Variants in ZNF292 observed in about 807,000 individuals in gnomAD.
The protein encoded by ZNF292 is 16 zinc-finger domain protein.
In ZNF292, 26 loss-of-function variants were observed where a neutral mutation model predicts 217.9. That is an observed-to-expected ratio of 0.12 (90% CI 0.09 to 0.17). The LOEUF is 0.17. ZNF292 is among the 10% of genes least tolerant of loss of function. The pLI is 1.00. For missense variants in ZNF292, 2,904 were observed against 3,175.2 expected, an observed-to-expected ratio of 0.91 and a Z score of 2.05; for synonymous variants, 1,257 against 1,124.1, an observed-to-expected ratio of 1.12 and a Z score of -2.37.
rs112277123 is a variant in ZNF292 at position 87,212,308 on chromosome 6, T to G, written c.169-3595T>G. Among the ~76,000 whole-genome samples the G allele has an allele frequency of 5.1e-3, 783 of 152,276 alleles. 7 individuals carry two copies. The highest frequency in any genetic ancestry group is 0.016 in the African/African-American group (681 of 41,540). ...CAGAAGCTCTTAGACTACTGTTGTT[T>G]AGGAGGTCTTGTGGAGTACATAGCC... On this transcript the variant is annotated intron_variant, in intron 1 of 7. Transcript: ENST00000369577.
At chr6:87,186,487 T>G (rs182726159) in intron 1 of ZNF292, among the ~76,000 whole-genome samples, 4 of 152,354 alleles carry the variant, frequency 2.6e-5, no homozygotes, top group African/African-American at 9.6e-5. Flanking sequence ...TCCTTCAATA[T>G]AGGAGAGCTC....
intron 1 of ZNF292, among the ~76,000 whole-genome samples, chr6:87,166,564 G>A (rs1427060527): frequency 6.6e-6 from 1 of 152,280 alleles, no homozygotes; most frequent in East Asian, 1.9e-4. Flanking sequence ...GTACCTTAAA[G>A]CCCAGCATGA....
intron 1 of ZNF292, among the ~76,000 whole-genome samples, chr6:87,161,875 CT>C (rs1770765863): frequency 6.6e-6 from 1 of 152,194 alleles, no homozygotes; most frequent in African/African-American, 2.4e-5. Flanking sequence ...GACAAATCCC[CT>C]AATGGTTTCC....
chr6:87,199,240 G>A (rs2127788024), intron 1 of ZNF292, among the ~76,000 whole-genome samples: 1 of 152,230 alleles, frequency 6.6e-6, no homozygotes, highest in Admixed American at 6.5e-5. Flanking sequence ...TTTCCCTAAT[G>A]GCTAATAATA....
chr6:87,231,822 G>A (rs997737708), intron 4 of ZNF292, among the ~76,000 whole-genome samples: 1 of 152,094 alleles, frequency 6.6e-6, no homozygotes, highest in African/African-American at 2.4e-5. Flanking sequence ...ATAATTCCCA[G>A]ACTTTGTATC....
intron 7 of ZNF292, among the ~76,000 whole-genome samples, chr6:87,254,068 A>G (rs778791735): frequency 9.2e-5 from 14 of 152,210 alleles, no homozygotes; most frequent in Non-Finnish European, 1.9e-4. Flanking sequence ...TGATAGCACT[A>G]GAATCTCCAC....
chr6:87,191,905 A>AC (rs998021061), intron 1 of ZNF292, among the ~76,000 whole-genome samples: 8 of 151,504 alleles, frequency 5.3e-5, no homozygotes, highest in African/African-American at 1.9e-4. Context: ...CAGATGATCC[A>AC]CCCCCCTTGG....
chr6:87,155,851 T>C, intron 1 of ZNF292, 92 bp downstream of exon 1: 2 of 1,410,798 alleles, frequency 1.4e-6, no homozygotes. Flanking sequence ...GGTCGCCGCT[T>C]CCTTGGCATC....
At position 87,259,654 on chromosome 6, in the gene ZNF292, C is replaced by T; in HGVS notation, c.6025C>T (p.Leu2009=). 1 of 1,587,062 alleles carries T rather than the reference C, an allele frequency of 6.3e-7. No homozygotes were observed. Among genetic ancestry groups the T allele is most frequent in the Non-Finnish European group, 8.6e-7 (1 of 1,166,212 alleles). The change falls in exon 8 of 8, where the codon CTA becomes TTA. Residue 2009 remains leucine (L), a synonymous_variant. Coordinates refer to ENST00000369577, the MANE Select transcript of ZNF292 (RefSeq NM_015021.3). ...ACGAAGTACACAAGTGAAAAAACAG[C>T]TAGCTATGACAGAGGAAAATAAAAA... ...ASRSTQVKKQ[L]AMTEENKKES...
intron 1 of ZNF292, among the ~76,000 whole-genome samples, chr6:87,198,215 T>G (rs1293781093): frequency 4.2e-5 from 5 of 118,700 alleles, no homozygotes; most frequent in African/African-American, 3.4e-5. Context: ...TTTATTTATT[T>G]ATTTTTTGAG....
intron 4 of ZNF292, among the ~76,000 whole-genome samples, chr6:87,228,586 G>A (rs1773487169): frequency 2.0e-5 from 3 of 152,100 alleles, no homozygotes; most frequent in East Asian, 1.9e-4. Context: ...TCTTTAATCC[G>A]TTTTGAGTTA....
chr6:87,226,010 C>G (rs2127814701), intron 4 of ZNF292, among the ~76,000 whole-genome samples: 1 of 152,254 alleles, frequency 6.6e-6, no homozygotes, highest in Admixed American at 6.5e-5. Context: ...ATGGTGCATC[C>G]TTGGTCTTAA....
Position 87,257,513 on chromosome 6 carries a change from A to G in ZNF292, c.3884A>G (p.Asn1295Ser). 14 of 1,610,308 alleles carry G rather than the reference A, an allele frequency of 8.7e-6. No homozygotes were observed. Among genetic ancestry groups the G allele is most frequent in the African/African-American group, 1.3e-5 (1 of 75,012 alleles). Residue 1295 changes from asparagine (N) to serine (S), a missense_variant, in exon 8 of 8, where the codon AAT becomes AGT. This residue lies in a region of ZNF292 where 687 missense variants were observed against 623.0 expected (regional missense o/e 1.10). Transcript: ENST00000369577. Reference protein sequence around the residue: ...SVFSQLENNTNHYSSQIEGNT... With the variant: ...SVFSQLENNTSHYSSQIEGNT... ...TTTTCCCAACTGGAAAATAATACAAATCATTATTCCTCACAGATTGAAGGA... is the reference window on the plus strand; with the variant it reads ...TTTTCCCAACTGGAAAATAATACAAGTCATTATTCCTCACAGATTGAAGGA...
At chr6:87,216,462 T>C (rs898594614) in intron 3 of ZNF292, 85 bp downstream of exon 3, 5 of 954,586 alleles carry the variant, frequency 5.2e-6, no homozygotes, top group Non-Finnish European at 8.0e-6. Flanking sequence ...AGTTAAACTT[T>C]AAGACATCTC....
rs534101004 is a variant in ZNF292 at position 87,240,810 on chromosome 6, G to A, written c.742-2665G>A. Among the ~76,000 whole-genome samples, 6 of 152,208 alleles carry A rather than the reference G, an allele frequency of 3.9e-5. No homozygotes were observed. In the South Asian group the frequency reaches 8.3e-4, roughly 21 times the overall value. ...AGAAATACGGATTTTTATTAAACCC[G>A]AACAAGTAAAAATCTGTATTTAGCA... On this transcript the variant is annotated intron_variant, in intron 5 of 7. Coordinates refer to ENST00000369577, the MANE Select transcript of ZNF292 (RefSeq NM_015021.3).
intron 5 of ZNF292, among the ~76,000 whole-genome samples, chr6:87,237,305 G>T (rs1049367467): frequency 3.9e-5 from 6 of 152,166 alleles, no homozygotes; most frequent in African/African-American, 1.2e-4. Flanking sequence ...GAGTGCAGTG[G>T]TGTGATCTCA....
intron 1 of ZNF292, among the ~76,000 whole-genome samples, chr6:87,181,567 A>C (rs1771474259): frequency 6.6e-6 from 1 of 152,186 alleles, no homozygotes; most frequent in African/African-American, 2.4e-5. Context: ...ACTGGTCTTC[A>C]GACTTGAGTG....
chr6:87,256,964 C>T lies in ZNF292; in HGVS notation c.3335C>T (p.Ser1112Leu). ...GGATGTACTCGAACCTATAATTCTT[C>T]ACAGAGTATTGGGAAACACATGAAG... ...VEGCTRTYNSSQSIGKHMKTA... is the reference protein window; with the variant it reads ...VEGCTRTYNSLQSIGKHMKTA... Residue 1112 changes from serine to leucine, a missense_variant, in exon 8 of 8, where the codon TCA becomes TTA. Physicochemically the swap from Ser to Leu is moderately radical, Grantham distance 145 (BLOSUM62 -2). This residue lies in a region of ZNF292 where 687 missense variants were observed against 623.0 expected (regional missense o/e 1.10). Coordinates refer to ENST00000369577, the MANE Select transcript of ZNF292 (RefSeq NM_015021.3). The T allele has an allele frequency of 6.2e-7, 1 of 1,613,750 alleles. No individual in the cohort carries two copies. The highest frequency in any genetic ancestry group is 2.2e-5 in the East Asian group (1 of 44,876).
intron 1 of ZNF292, among the ~76,000 whole-genome samples, chr6:87,193,325 G>T (rs530232834): frequency 1.3e-5 from 2 of 152,174 alleles, no homozygotes; most frequent in South Asian, 4.1e-4. Context: ...CAGACAGATC[G>T]CTTGAGCTCA....
Sources: gnomAD v4.1 joint callset for allele counts (sites outside exome capture counted in the v4.1 genomes callset) on GRCh38, gnomAD v4.1.1 for gene constraint, gnomAD v4.1.1 regional missense constraint, MANE v1.5 for transcripts, NCBI Gene and HGNC (gene_info 2026-07-23, HGNC 2026-07-21) for gene names.